LHFPL3: variants seen among roughly 807,000 people sequenced by gnomAD.
LHFPL3 encodes the protein LHFPL tetraspan subfamily member 3 protein.
Under a neutral mutation model 19.3 loss-of-function variants are expected in LHFPL3, and 5 were observed. The observed-to-expected ratio is 0.26, with a 90% CI of 0.14 to 0.54. The LOEUF is 0.54. LHFPL3 is among the 20% of genes least tolerant of loss of function. LHFPL3 has a pLI of 0.94. For synonymous variants in LHFPL3, 133 were observed against 126.2 expected (o/e 1.05, Z -0.36); for missense variants, 249 against 307.4 (o/e 0.81, Z 1.42).
intron 1 of LHFPL3, among the ~76,000 whole-genome samples, chr7:104,385,847 A>G (rs1161202320): frequency 6.6e-6 from 1 of 152,114 alleles, no homozygotes; most frequent in African/African-American, 2.4e-5. Context: ...TTAAATACTT[A>G]TTTTTAAAGG....
chr7:104,791,623 C>T (rs1213964061), intron 2 of LHFPL3, among the ~76,000 whole-genome samples: 1 of 152,112 alleles, frequency 6.6e-6, no homozygotes, highest in Admixed American at 6.5e-5. Flanking sequence ...TGGAAGATCT[C>T]CCAGAACCAG....
chr7:104,353,688 G>A (rs1391220815), intron 1 of LHFPL3, among the ~76,000 whole-genome samples: 1 of 152,180 alleles, frequency 6.6e-6, no homozygotes, highest in Admixed American at 6.5e-5. Flanking sequence ...TCAAACTGGT[G>A]AGCAGAACCT....
At chr7:104,398,060 CTT>C (rs11358035) in intron 1 of LHFPL3, among the ~76,000 whole-genome samples, 3,580 of 141,790 alleles carry the variant, frequency 0.025, 127 homozygotes, top group African/African-American at 0.084. Flanking sequence ...ATGCATTTAA[CTT>C]TTTTTTTTTT....
chr7:104,873,009 T>C (rs1365995076), intron 2 of LHFPL3, among the ~76,000 whole-genome samples: 1 of 152,142 alleles, frequency 6.6e-6, no homozygotes. Context: ...GACAGGGAGG[T>C]AATGTGTTGT....
In LHFPL3 at chr7:104,880,941, C is replaced by A. The variant is rs575984714; in HGVS notation, c.683-25246C>A. On this transcript the variant is annotated intron_variant, in intron 2 of 2. Coordinates refer to ENST00000424859, the MANE Select transcript of LHFPL3 (RefSeq NM_199000.3). ...ATCCCAGCACTTTGGGAGGCCAAGGCGGGTGAATCACGAGGTCAGGAGATC... is the reference window on the plus strand; with the variant it reads ...ATCCCAGCACTTTGGGAGGCCAAGGAGGGTGAATCACGAGGTCAGGAGATC... Among the ~76,000 whole-genome samples the A allele has an allele frequency of 3.3e-5, 5 of 152,152 alleles. No individual in the cohort carries two copies. In the East Asian group the frequency reaches 7.7e-4, roughly 23 times the overall value.
At chr7:104,512,425 G>C (rs1793836844) in intron 1 of LHFPL3, among the ~76,000 whole-genome samples, 1 of 151,966 alleles carries the variant, frequency 6.6e-6, no homozygotes, top group South Asian at 2.1e-4. Flanking sequence ...TCATCTAGCA[G>C]GCTCTATGTT....
intron 1 of LHFPL3, among the ~76,000 whole-genome samples, chr7:104,573,223 G>A (rs936465676): frequency 1.3e-5 from 2 of 152,054 alleles, no homozygotes; most frequent in African/African-American, 2.4e-5. Context: ...GACCAGCCTG[G>A]CCAACATAGT....
chr7:104,798,059 T>C (rs932369476), intron 2 of LHFPL3, among the ~76,000 whole-genome samples: 5 of 152,174 alleles, frequency 3.3e-5, no homozygotes, highest in Non-Finnish European at 7.4e-5. Flanking sequence ...TGGACACCAG[T>C]GTCACATGGC....
chr7:104,546,373 C>A (rs1440825168), intron 1 of LHFPL3, among the ~76,000 whole-genome samples: 1 of 152,040 alleles, frequency 6.6e-6, no homozygotes, highest in Non-Finnish European at 1.5e-5. Flanking sequence ...TTTAAAATTC[C>A]CTTGATACAT....
chr7:104,442,070 T>C (rs962534206), intron 1 of LHFPL3, among the ~76,000 whole-genome samples: 2 of 151,926 alleles, frequency 1.3e-5, no homozygotes, highest in South Asian at 4.2e-4. Context: ...TTTTTTTTTC[T>C]TTTTTTTCAG....
At chr7:104,355,825 G>T (rs932102138) in intron 1 of LHFPL3, among the ~76,000 whole-genome samples, 1 of 152,212 alleles carries the variant, frequency 6.6e-6, no homozygotes, top group South Asian at 2.1e-4. Context: ...TATCCAGGAT[G>T]AATTAGTAAA....
chr7:104,562,817 C>G (rs1279809980), intron 1 of LHFPL3, among the ~76,000 whole-genome samples: 31 of 151,090 alleles, frequency 2.1e-4, no homozygotes, highest in Middle Eastern at 3.4e-3. Flanking sequence ...GTGGTTTTAT[C>G]TACTTTTGGT....
At chr7:104,487,495 A>C (rs1417739968) in intron 1 of LHFPL3, among the ~76,000 whole-genome samples, 1 of 152,202 alleles carries the variant, frequency 6.6e-6, no homozygotes, top group Non-Finnish European at 1.5e-5. Flanking sequence ...GACTGAGACA[A>C]TTTAGACATG....
chr7:104,403,164 A>T (rs1562887088), intron 1 of LHFPL3, among the ~76,000 whole-genome samples: 1 of 152,208 alleles, frequency 6.6e-6, no homozygotes, highest in Non-Finnish European at 1.5e-5. Context: ...CTGCACATTC[A>T]CACATGTATC....
chr7:104,714,983 A>G (rs1214997106), intron 1 of LHFPL3, among the ~76,000 whole-genome samples: 1 of 152,158 alleles, frequency 6.6e-6, no homozygotes, highest in Admixed American at 6.5e-5. Context: ...GTGTATATAC[A>G]CAGAGAGAGA....
intron 2 of LHFPL3, among the ~76,000 whole-genome samples, chr7:104,750,284 G>T (rs1423585321): frequency 1.3e-5 from 2 of 152,120 alleles, no homozygotes. Flanking sequence ...CCTTCAAACT[G>T]TTTTCCTCAA....
intron 2 of LHFPL3, among the ~76,000 whole-genome samples, chr7:104,762,314 G>A (rs1396562674): frequency 6.6e-6 from 1 of 152,184 alleles, no homozygotes; most frequent in Non-Finnish European, 1.5e-5. Context: ...ACAAATAACA[G>A]GTGATAGTTC....
chr7:104,803,241 C>T (rs1199921887), intron 2 of LHFPL3, among the ~76,000 whole-genome samples: 2 of 152,166 alleles, frequency 1.3e-5, no homozygotes, highest in Non-Finnish European at 2.9e-5. Flanking sequence ...GTCAAGAACC[C>T]TTTTGTTCCC....
intron 1 of LHFPL3, among the ~76,000 whole-genome samples, chr7:104,613,942 C>T (rs1344845447): frequency 1.3e-5 from 2 of 152,082 alleles, no homozygotes; most frequent in Non-Finnish European, 2.9e-5. Flanking sequence ...TGCCAATTAG[C>T]ACATAAGTTA....
Sources: gnomAD v4.1 joint callset for allele counts (sites outside exome capture counted in the v4.1 genomes callset) on GRCh38, gnomAD v4.1.1 for gene constraint, MANE v1.5 for transcripts, NCBI Gene and HGNC (gene_info 2026-07-23, HGNC 2026-07-21) for gene names.